The following PRELID3A variants were observed in gnomAD, a reference collection of about 807,000 sequenced individuals.
PRELID3A encodes the protein PRELI domain containing protein 3A.
Under a neutral mutation model 23.0 loss-of-function variants are expected in PRELID3A, and 27 were observed. The ratio of observed to expected loss-of-function variants is 1.17; its 90% confidence interval spans 0.87 to 1.62. The LOEUF (loss-of-function observed/expected upper bound fraction) is 1.62, where lower values mean the gene tolerates loss of function less well. Ranked by LOEUF, PRELID3A falls within the 40% of genes most tolerant of loss-of-function variation. The pLI, the probability that PRELID3A is intolerant of heterozygous loss-of-function variation, is 0.00. For synonymous variants in PRELID3A, 87 were observed against 86.4 expected, an observed-to-expected ratio of 1.01 and a Z score of -0.04; for missense variants, 231 against 231.4, an observed-to-expected ratio of 1.00 and a Z score of 0.01.
At chr18:12,420,578 A>T (rs547591664) in intron 2 of PRELID3A, 85 bp downstream of exon 2, 722 of 1,327,678 alleles carry the variant, frequency 5.4e-4, no homozygotes, top group Non-Finnish European at 6.7e-4. Context: ...TCCTCCCCTC[A>T]TCAGTGCCTC....
At chr18:12,424,589 G>C (rs535786388) in intron 3 of PRELID3A, among the ~76,000 whole-genome samples, 2 of 152,350 alleles carry the variant, frequency 1.3e-5, no homozygotes, top group East Asian at 3.8e-4. Flanking sequence ...TAGGAGGAGA[G>C]AGATTTCCTA....
intron 6 of PRELID3A, among the ~76,000 whole-genome samples, chr18:12,430,782 TATG>T (rs904059938): frequency 6.7e-6 from 1 of 149,516 alleles, no homozygotes; most frequent in Non-Finnish European, 1.5e-5. Context: ...TGCATGCGTG[TATG>T]ATGTGCATGT....
At chr18:12,416,855 C>T (rs1314975441) in intron 1 of PRELID3A, among the ~76,000 whole-genome samples, 5 of 151,920 alleles carry the variant, frequency 3.3e-5, no homozygotes, top group Non-Finnish European at 4.4e-5. Context: ...CCGTGTTAGC[C>T]AGGATGGTCT....
chr18:12,430,707 T>C (rs1162701330), intron 6 of PRELID3A, among the ~76,000 whole-genome samples: 1 of 149,812 alleles, frequency 6.7e-6, no homozygotes, highest in Non-Finnish European at 1.5e-5. Context: ...TGTGTGAATG[T>C]GTGTATAGTG....
intron 2 of PRELID3A, among the ~76,000 whole-genome samples, chr18:12,421,135 G>C (rs749858350): frequency 1.3e-5 from 2 of 152,150 alleles, no homozygotes; most frequent in Non-Finnish European, 2.9e-5. Flanking sequence ...CTGGCCTGGC[G>C]CAGGCCTCTC....
rs1489026686 is a variant in PRELID3A, at chr18:12,420,428, C to T, written c.136C>T (p.Arg46Cys). ...VDVLQRRVDG[R>C]GRLHSLRLLS... ...TGTGCTACAGCGCCGCGTGGACGGC[C>T]GCGGCCGCCTGCACAGCTTGCGCCT... is the stretch of plus-strand genomic sequence containing the variant. The change falls in exon 2 of 7, where the codon CGC becomes TGC. Residue 46 changes from arginine (R) to cysteine (C), a missense_variant. Arg to Cys is a radical substitution (Grantham distance 180). Transcript: ENST00000440960. 2 of 1,589,430 alleles carry T rather than the reference C, an allele frequency of 1.3e-6. No individual in the cohort carries two copies. The highest frequency in any genetic ancestry group is 1.7e-6 in the Non-Finnish European group (2 of 1,169,080).
intron 1 of PRELID3A, among the ~76,000 whole-genome samples, chr18:12,417,053 A>G (rs376627028): frequency 6.6e-6 from 1 of 152,212 alleles, no homozygotes; most frequent in East Asian, 1.9e-4. Flanking sequence ...ATTTTCCTCC[A>G]TTGTTCTGTT....
chr18:12,424,610 G>T (rs1244707651), intron 3 of PRELID3A, among the ~76,000 whole-genome samples: 2 of 152,166 alleles, frequency 1.3e-5, no homozygotes, highest in African/African-American at 2.4e-5. Context: ...CTAACCATTT[G>T]CATTGGGACA....
chr18:12,427,523 C>G (rs2095650857), intron 5 of PRELID3A, among the ~76,000 whole-genome samples, 200 bp downstream of exon 5: 1 of 151,836 alleles, frequency 6.6e-6, no homozygotes, highest in South Asian at 2.1e-4. Flanking sequence ...ATGCTGAAAC[C>G]CCATCTACTA....
intron 1 of PRELID3A, among the ~76,000 whole-genome samples, chr18:12,409,162 T>G (rs1265963035): frequency 1.5e-5 from 2 of 129,688 alleles, no homozygotes; most frequent in Non-Finnish European, 3.3e-5. Context: ...AGGCTGGGTT[T>G]TTTTTTTTTT....
intron 1 of PRELID3A, among the ~76,000 whole-genome samples, 173 bp downstream of exon 1, chr18:12,408,180 G>T (rs1165856136): frequency 6.6e-6 from 1 of 151,966 alleles, no homozygotes; most frequent in African/African-American, 2.4e-5. Flanking sequence ...GGGCACGCGC[G>T]CTTCCCCGGG....
intron 1 of PRELID3A, among the ~76,000 whole-genome samples, chr18:12,408,400 G>A (rs1265373900): frequency 6.6e-6 from 1 of 152,060 alleles, no homozygotes; most frequent in African/African-American, 2.4e-5. Context: ...AGCAGGGCAG[G>A]GGAGAGGCCT....
Position 12,407,993 on chromosome 18 carries a change from G to A in PRELID3A, c.18G>A (p.Ser6=). 1 of 1,296,744 alleles carries A rather than the reference G, an allele frequency of 7.7e-7. No homozygotes were observed. Among genetic ancestry groups the A allele is most frequent in the Non-Finnish European group, 9.8e-7 (1 of 1,023,298 alleles). 80.3% of individuals were successfully genotyped at this position (1,296,744 alleles called of 1,614,324 possible). Residue 6 remains serine (S), a synonymous_variant, in exon 1 of 7, where the codon TCG becomes TCA. Transcript: ENST00000440960. ...CGGCGGCAATGAAGATCTGGAGCTC[G>A]GAGCACGTGTTTGGGTGAGGCCGGG... MKIWS[S]EHVFGHPWDT... is the part of the protein sequence containing the mutation.
chr18:12,426,788 C>G (rs1269031067), intron 3 of PRELID3A, among the ~76,000 whole-genome samples: 1 of 152,096 alleles, frequency 6.6e-6, no homozygotes, highest in Non-Finnish European at 1.5e-5. Flanking sequence ...GTTTTGGCAG[C>G]TTGACTGTAC....
rs79452192 is a variant in PRELID3A at position 12,428,182 on chromosome 18, G to A, written c.465+859G>A. ...GTGAGAGGAGAAAGGATAGATCCCA[G>A]GAGGCCATCCATGGTACTCCCTTTG... On this transcript the variant is annotated intron_variant, in intron 5 of 6. Coordinates refer to ENST00000440960, the MANE Select transcript of PRELID3A (RefSeq NM_001142405.2). 5.7e-3 allele frequency among the ~76,000 whole-genome samples: 864 copies of A among 152,308 alleles called. 8 individuals carry two copies. The highest frequency in any genetic ancestry group is 0.02 in the African/African-American group (831 of 41,552).
intron 6 of PRELID3A, among the ~76,000 whole-genome samples, chr18:12,430,098 T>A (rs1367837712): frequency 2.6e-5 from 4 of 152,226 alleles, no homozygotes; most frequent in Non-Finnish European, 5.9e-5. Context: ...CCCGTGTGTG[T>A]GGGTTCGGGG....
Position 12,420,340 on chromosome 18 carries a change from G to A in PRELID3A, c.48G>A (p.Thr16=). The change falls in exon 2 of 7, where the codon ACG becomes ACA. Residue 16 remains threonine, a synonymous_variant. Transcript: ENST00000440960. ...CTCCCCGCAGCCACCCGTGGGACACGGTCATCCAGGCGGCCATGCGCAAGT... is the reference window on the plus strand; with the variant it reads ...CTCCCCGCAGCCACCCGTGGGACACAGTCATCCAGGCGGCCATGCGCAAGT... The part of the protein sequence containing the change: ...SEHVFGHPWD[T]VIQAAMRKYP... 6.2e-7 allele frequency: 1 copy of A among 1,609,860 alleles called. No individual in the cohort carries two copies. Among genetic ancestry groups the A allele is most frequent in the Non-Finnish European group, 8.5e-7 (1 of 1,178,662 alleles).
chr18:12,428,943 A>G (rs1461222246), intron 5 of PRELID3A, among the ~76,000 whole-genome samples: 1 of 152,206 alleles, frequency 6.6e-6, no homozygotes, highest in Non-Finnish European at 1.5e-5. Context: ...TTAGGAGAGA[A>G]TCACTAAGGT....
intron 1 of PRELID3A, 30 bp from the exon 2 acceptor site, chr18:12,420,291 CGCTT>C: frequency 6.4e-7 from 1 of 1,562,692 alleles, no homozygotes; most frequent in Non-Finnish European, 8.7e-7. Context: ...CCGGCCCCGG[CGCTT>C]GCTCACCGCC....
Sources: allele counts gnomAD v4.1 joint callset (sites outside exome capture counted in the v4.1 genomes callset), GRCh38; gene constraint gnomAD v4.1.1; transcripts MANE v1.5; gene names NCBI Gene and HGNC (gene_info 2026-07-23, HGNC 2026-07-21).